SVOP: variants seen among roughly 807,000 people sequenced by gnomAD.
The protein encoded by SVOP is SV2 related protein.
Under a neutral mutation model 69.1 loss-of-function variants are expected in SVOP, and 17 were observed. The observed-to-expected ratio is 0.25, with a 90% CI of 0.17 to 0.37. SVOP has a LOEUF of 0.37. SVOP is among the 10% of genes least tolerant of loss of function. SVOP has a pLI of 1.00. For missense variants in SVOP, 435 were observed against 597.5 expected, an observed-to-expected ratio of 0.73 and a Z score of 2.84; for synonymous variants, 238 against 238.6, an observed-to-expected ratio of 1.00 and a Z score of 0.02.
intron 1 of SVOP, among the ~76,000 whole-genome samples, chr12:109,008,636 A>G (rs938073383): frequency 4.6e-5 from 7 of 152,074 alleles, no homozygotes; most frequent in Admixed American, 2.6e-4. Flanking sequence ...GGGGCTGGTA[A>G]CTCTGCTAAG....
intron 1 of SVOP, among the ~76,000 whole-genome samples, chr12:109,003,114 G>T (rs1020676623): frequency 6.6e-6 from 1 of 152,108 alleles, no homozygotes; most frequent in African/African-American, 2.4e-5. Context: ...GCATGCTACA[G>T]TCTGAGAAAT....
At chr12:108,972,522 T>C (rs1229661863) in intron 4 of SVOP, 46 bp from the exon 5 acceptor site, 3 of 1,524,772 alleles carry the variant, frequency 2.0e-6, no homozygotes, top group African/African-American at 1.4e-5. Flanking sequence ...ATGTGGATCA[T>C]TGCACAGAAA....
chr12:108,918,071 A>G lies in SVOP; in HGVS notation c.1322T>C (p.Phe441Ser). The G allele has an allele frequency of 1.9e-6, 3 of 1,583,562 alleles. No homozygotes were observed. The highest frequency in any genetic ancestry group is 2.6e-6 in the Non-Finnish European group (3 of 1,164,584). The change falls in exon 14 of 16, where the codon TTT becomes TCT. Residue 441 changes from phenylalanine to serine, a missense_variant. Transcript: ENST00000610966. ...AGGTGTGTAAACATATGCCGCTTGA[A>G]AGCCTCCAGAAATAAACGCTCTTGC... ...FIARAFISGG[F>S]QAAYVYTPEV...
intron 6 of SVOP, among the ~76,000 whole-genome samples, chr12:108,948,925 TA>T (rs971122973): frequency 3.3e-5 from 5 of 152,214 alleles, no homozygotes; most frequent in Non-Finnish European, 5.9e-5. Context: ...ATATTATTTT[TA>T]AAAATCAATA....
Position 108,909,414 on chromosome 12 carries a change from G to C in SVOP, c.*3121C>G, listed in dbSNP as rs1268008435. ...ACCTGTAATCCCAGCTACTCAGGAG[G>C]CTGAGGAGGGAGAATCGCTTGAACC... is the stretch of plus-strand genomic sequence containing the variant. On this transcript the variant is annotated 3_prime_UTR_variant, in exon 16 of 16. Transcript: ENST00000610966. The C allele has an allele frequency of 6.6e-6, 1 of 151,764 alleles. No individual in the cohort carries two copies. Among genetic ancestry groups the C allele is most frequent in the Admixed American group, 6.6e-5 (1 of 15,224 alleles). 9.4% of individuals were successfully genotyped at this position (151,764 alleles called of 1,614,324 possible).
intron 12 of SVOP, among the ~76,000 whole-genome samples, chr12:108,922,133 C>G (rs561804868): frequency 4.6e-5 from 7 of 152,232 alleles, no homozygotes; most frequent in Middle Eastern, 3.4e-3. Context: ...ACCAGGCTAC[C>G]ATGTCAGAGT....
intron 1 of SVOP, among the ~76,000 whole-genome samples, chr12:109,005,595 T>C (rs1486090977): frequency 1.3e-5 from 2 of 152,192 alleles, no homozygotes; most frequent in Admixed American, 1.3e-4. Flanking sequence ...GAAATATATC[T>C]TGAGGAGGAA....
At chr12:108,986,832 A>G (rs1207237452) in intron 1 of SVOP, among the ~76,000 whole-genome samples, 1 of 152,066 alleles carries the variant, frequency 6.6e-6, no homozygotes, top group African/African-American at 2.4e-5. Context: ...AGTAAACTTG[A>G]GAGGTGGAGA....
At chr12:108,988,574 T>C (rs2040179403) in intron 1 of SVOP, among the ~76,000 whole-genome samples, 1 of 152,160 alleles carries the variant, frequency 6.6e-6, no homozygotes, top group Non-Finnish European at 1.5e-5. Flanking sequence ...CTTGATTCTA[T>C]TCCATTGATC....
At chr12:108,960,869 C>T in intron 6 of SVOP, 54 bp downstream of exon 6, 10 of 1,525,656 alleles carry the variant, frequency 6.6e-6, no homozygotes, top group Non-Finnish European at 8.8e-6. Flanking sequence ...AGACCATGAA[C>T]AGACACGTGG....
intron 2 of SVOP, 133 bp downstream of exon 2, chr12:108,983,468 C>A: frequency 2.5e-6 from 1 of 397,904 alleles, no homozygotes. Flanking sequence ...GCTCAGCTCC[C>A]ACTTCCAGCT....
intron 11 of SVOP, among the ~76,000 whole-genome samples, chr12:108,931,597 G>T (rs1487751678): frequency 6.6e-6 from 1 of 152,184 alleles, no homozygotes; most frequent in Non-Finnish European, 1.5e-5. Context: ...ACCTCGGGAG[G>T]CCGAGGTGGG....
intron 5 of SVOP, among the ~76,000 whole-genome samples, chr12:108,968,538 G>C (rs2040059665): frequency 6.6e-6 from 1 of 152,124 alleles, no homozygotes; most frequent in Admixed American, 6.6e-5. Context: ...TATAAATAAG[G>C]AAATTTCAGC....
chr12:108,959,293 C>T (rs2040003201), intron 6 of SVOP, among the ~76,000 whole-genome samples: 1 of 151,786 alleles, frequency 6.6e-6, no homozygotes, highest in Non-Finnish European at 1.5e-5. Context: ...TTTGGCCTGG[C>T]ATTTTAGGCC....
At chr12:108,965,145 G>A (rs2137425477) in intron 5 of SVOP, among the ~76,000 whole-genome samples, 1 of 152,316 alleles carries the variant, frequency 6.6e-6, no homozygotes, top group African/African-American at 2.4e-5. Flanking sequence ...CTGACTTCAT[G>A]GAACTTTCAT....
intron 4 of SVOP, among the ~76,000 whole-genome samples, chr12:108,974,310 A>G (rs1475717137): frequency 6.6e-6 from 1 of 152,246 alleles, no homozygotes; most frequent in Non-Finnish European, 1.5e-5. Context: ...AACCTTGCTT[A>G]TGATTAACAA....
chr12:108,971,705 T>A (rs2040080025), intron 5 of SVOP, among the ~76,000 whole-genome samples: 2 of 151,818 alleles, frequency 1.3e-5, no homozygotes, highest in African/African-American at 4.8e-5. Flanking sequence ...TAATTCAGGG[T>A]GTCTTCATGA....
chr12:108,913,310 C>G (rs1223276462), intron 15 of SVOP, among the ~76,000 whole-genome samples: 1 of 152,156 alleles, frequency 6.6e-6, no homozygotes, highest in Non-Finnish European at 1.5e-5. Flanking sequence ...ATCCACCCAC[C>G]TTGGCCTCCC....
At chr12:108,940,678 T>C in intron 8 of SVOP, 106 bp downstream of exon 8, 1 of 1,443,966 alleles carries the variant, frequency 6.9e-7, no homozygotes, top group Non-Finnish European at 9.2e-7. Flanking sequence ...AAAAAAATAA[T>C]CTTGAAAGGT....
Sources: gnomAD v4.1 joint callset for allele counts (sites outside exome capture counted in the v4.1 genomes callset) on GRCh38, gnomAD v4.1.1 for gene constraint, MANE v1.5 for transcripts, NCBI Gene and HGNC (gene_info 2026-07-23, HGNC 2026-07-21) for gene names.